The following CPS1 variants were observed in gnomAD, a reference collection of about 807,000 sequenced individuals.
CPS1 encodes carbamoyl-phosphate synthase [ammonia], mitochondrial.
CPS1 carries 109 observed loss-of-function variants against 174.6 expected under a neutral mutation model. The ratio of observed to expected loss-of-function variants is 0.62; its 90% CI spans 0.53 to 0.73. The LOEUF (loss-of-function observed/expected upper bound fraction) is 0.73. Ranked by LOEUF, CPS1 falls within the 30% of genes least tolerant of loss-of-function variation. The pLI is 0.00. For synonymous variants in CPS1, 637 were observed against 632.0 expected, an observed-to-expected ratio of 1.01 and a Z score of -0.12; for missense variants, 1,689 against 1,821.9, an observed-to-expected ratio of 0.93 and a Z score of 1.33.
intron 34 of CPS1, chr2:210,671,684 A>C (rs991598059): frequency 6.6e-6 from 1 of 152,158 alleles, no homozygotes. Flanking sequence ...GTTTGATAGA[A>C]GTTTATAATG....
intron 7 of CPS1, among the ~76,000 whole-genome samples, chr2:210,589,718 G>A (rs1039823340): frequency 6.6e-6 from 1 of 151,896 alleles, no homozygotes; most frequent in African/African-American, 2.4e-5. Flanking sequence ...AGAGTGCAAT[G>A]GTGTGATCTT....
In CPS1 at chr2:210,616,499, G is replaced by A. The variant is rs188120172; in HGVS notation, c.2645G>A (p.Arg882His). The change falls in exon 21 of 38, where the codon CGT becomes CAT. Residue 882 changes from arginine (R) to histidine (H), a missense_variant. Transcript: ENST00000233072. ...GACAAGTGGTTTTTGTATAAGATGCGTGATATTTTAAACATGGAAAAGACA... is the reference window on the plus strand; with the variant it reads ...GACAAGTGGTTTTTGTATAAGATGCATGATATTTTAAACATGGAAAAGACA... ...YIDKWFLYKM[R>H]DILNMEKTLK... 27 of 1,611,724 alleles carry A rather than the reference G, an allele frequency of 1.7e-5. No individual in the cohort carries two copies. In the South Asian group the frequency reaches 2.0e-4, roughly 12 times the overall value.
Position 210,573,378 on chromosome 2 carries a change from T to G in CPS1, c.207T>G (p.Gly69=). The G allele has an allele frequency of 6.2e-7, 1 of 1,613,082 alleles. No individual in the cohort carries two copies. Residue 69 remains glycine, a synonymous_variant, in exon 2 of 38, where the codon GGT becomes GGG. Coordinates refer to ENST00000233072, the MANE Select transcript of CPS1 (RefSeq NM_001875.5). The part of the protein sequence containing the change: ...YSFGHPSSVA[G]EVVFNTGLGG... ...TTGGCCATCCATCCTCTGTTGCTGG[T>G]GAAGTGGTTTTTAATACTGGCCTGG...
Position 210,608,554 on chromosome 2 carries a change from G to A in CPS1, c.2386G>A (p.Gly796Arg). ...AATTGGTAGCTCTATGAAAAGTGTA[G>A]GAGAGGTGAGTCCTTGGTTTATTAC... Reference protein sequence around the residue: ...SRIGSSMKSVGEVMAIGRTFE... With the variant: ...SRIGSSMKSVREVMAIGRTFE... The change falls in exon 19 of 38, where the codon GGA becomes AGA. Residue 796 changes from glycine to arginine, a missense_variant. Transcript: ENST00000233072. The A allele has an allele frequency of 6.2e-7, 1 of 1,611,498 alleles. No homozygotes were observed. Among genetic ancestry groups the A allele is most frequent in the Non-Finnish European group, 8.5e-7 (1 of 1,178,266 alleles).
At chr2:210,579,451 T>C (rs926816685) in intron 4 of CPS1, among the ~76,000 whole-genome samples, 6 of 152,128 alleles carry the variant, frequency 3.9e-5, no homozygotes, top group African/African-American at 1.4e-4. Flanking sequence ...TTAAAAGCAA[T>C]AGAAGTGTAG....
At chr2:210,626,999 C>T (rs1699717975) in intron 21 of CPS1, among the ~76,000 whole-genome samples, 1 of 152,084 alleles carries the variant, frequency 6.6e-6, no homozygotes, top group Non-Finnish European at 1.5e-5. Context: ...GGAATCTAGC[C>T]CAGGGCTCCC....
At chr2:210,533,484 A>G (rs547570947) in intron 1 of CPS1, among the ~76,000 whole-genome samples, 7 of 152,176 alleles carry the variant, frequency 4.6e-5, no homozygotes, top group African/African-American at 9.6e-5. Flanking sequence ...TAATTAGGCA[A>G]TTTTCCCAAG....
At chr2:210,636,651 A>G (rs986223830) in intron 21 of CPS1, among the ~76,000 whole-genome samples, 1 of 152,024 alleles carries the variant, frequency 6.6e-6, no homozygotes, top group African/African-American at 2.4e-5. Context: ...GGACATGCTA[A>G]ACTGTATGAT....
intron 33 of CPS1, among the ~76,000 whole-genome samples, chr2:210,663,915 T>A (rs1701005706): frequency 6.6e-6 from 1 of 152,018 alleles, no homozygotes; most frequent in African/African-American, 2.4e-5. Flanking sequence ...AGTGGCAATA[T>A]CAGACTGTGA....
rs66825517 is a variant in CPS1 at position 210,491,307 on chromosome 2, G to GTTTTTTTTTTTTTT, written c.3+13559_3+13572dup. Among the ~76,000 whole-genome samples the GTTTTTTTTTTTTTT allele has an allele frequency of 3.8e-4, 19 of 50,352 alleles. 6 individuals are homozygous for GTTTTTTTTTTTTTT. Among genetic ancestry groups the GTTTTTTTTTTTTTT allele is most frequent in the African/African-American group, 1.7e-3 (17 of 9,984 alleles). The allele number at this position is 50,352 out of a possible 152,430, so 33.0% of individuals were successfully genotyped here. A position where few individuals can be genotyped will look rare whatever the true frequency, so the allele number is the denominator to read the frequency against. On this transcript the variant is annotated intron_variant, in intron 1 of 38. Coordinates refer to the CPS1 transcript ENST00000430249. The stretch of plus-strand genomic sequence containing the variant: ...GTAAAAGCATGTATTTGGTATCTGT[G>GTTTTTTTTTTTTTT]TTTTTTTTTTTTTTTTTTTTTTTTT...
intron 1 of CPS1, among the ~76,000 whole-genome samples, chr2:210,538,813 G>A (rs1242758530): frequency 6.6e-6 from 1 of 151,914 alleles, no homozygotes; most frequent in Non-Finnish European, 1.5e-5. Context: ...TCAGTAACAT[G>A]AGCAGTGTAT....
At chr2:210,648,761 G>C (rs1700465756) in intron 27 of CPS1, among the ~76,000 whole-genome samples, 3 of 152,164 alleles carry the variant, frequency 2.0e-5, no homozygotes, top group African/African-American at 7.2e-5. Context: ...TCTTCATCTA[G>C]AAGTGTAGTG....
intron 1 of CPS1, among the ~76,000 whole-genome samples, chr2:210,568,491 G>A (rs1697371313): frequency 6.6e-6 from 1 of 152,034 alleles, no homozygotes; most frequent in African/African-American, 2.4e-5. Context: ...TTTTTGTCTT[G>A]GGTGGCCATG....
intron 33 of CPS1, among the ~76,000 whole-genome samples, chr2:210,667,042 T>C (rs1701125812): frequency 6.6e-6 from 1 of 152,146 alleles, no homozygotes; most frequent in African/African-American, 2.4e-5. Flanking sequence ...AGGTCCTTCA[T>C]GTCCCTTGTA....
At chr2:210,570,684 A>T (rs912763274) in intron 1 of CPS1, among the ~76,000 whole-genome samples, 5 of 151,932 alleles carry the variant, frequency 3.3e-5, no homozygotes, top group South Asian at 2.1e-4. Context: ...TATTATCTAA[A>T]TTTTTTTCTT....
rs931734043 is a variant in CPS1 at position 210,650,358 on chromosome 2, T to G, written c.3405-5T>G. On this transcript the variant is annotated splice_polypyrimidine_tract_variant and splice_region_variant and intron_variant, in intron 27 of 37. Coordinates refer to ENST00000233072, the MANE Select transcript of CPS1 (RefSeq NM_001875.5). The stretch of plus-strand genomic sequence containing the variant: ...GACCTGCTTTTTTTCCCCTTCCTTT[T>G]CCAGTGGGTCTGCTATGAATGTGGT... 1 of 1,613,022 alleles carries G rather than the reference T, an allele frequency of 6.2e-7. No individual in the cohort carries two copies.
chr2:210,481,442 A>G (rs1694567406), intron 1 of CPS1, among the ~76,000 whole-genome samples: 1 of 152,206 alleles, frequency 6.6e-6, no homozygotes, highest in Non-Finnish European at 1.5e-5. Context: ...TTGTTAATCA[A>G]GTGGATTGTT....
intron 33 of CPS1, among the ~76,000 whole-genome samples, chr2:210,665,240 A>G (rs557443223): frequency 6.6e-6 from 1 of 152,346 alleles, no homozygotes; most frequent in Non-Finnish European, 1.5e-5. Flanking sequence ...TGAAGGTTAT[A>G]GTCATAAGAA....
At chr2:210,618,711 T>C (rs768508642) in intron 21 of CPS1, 4 of 152,098 alleles carry the variant, frequency 2.6e-5, no homozygotes, top group Non-Finnish European at 5.9e-5. Flanking sequence ...ATGTTAAGTA[T>C]GTAAGGCCTT....
Sources: allele counts gnomAD v4.1 joint callset (sites outside exome capture counted in the v4.1 genomes callset), GRCh38; gene constraint gnomAD v4.1.1; transcripts MANE v1.5; gene names NCBI Gene and HGNC (gene_info 2026-07-23, HGNC 2026-07-21).